Variants in CCDC91 observed in about 807,000 individuals in gnomAD.
The protein encoded by CCDC91 is coiled-coil domain containing 91, also known as coiled-coil domain-containing protein 91.
CCDC91 carries 48 observed loss-of-function variants against 63.2 expected under a neutral mutation model. That is an observed-to-expected ratio of 0.76 (90% CI 0.60 to 0.97). The LOEUF is 0.97. Ranked by LOEUF, CCDC91 falls within the 50% of genes least tolerant of loss-of-function variation. The pLI, the probability that CCDC91 is intolerant of heterozygous loss-of-function variation, is 0.00. For synonymous variants in CCDC91, 167 were observed against 165.8 expected (o/e 1.01, Z -0.06); for missense variants, 500 against 494.6 (o/e 1.01, Z -0.10).
intron 1 of CCDC91, among the ~76,000 whole-genome samples, chr12:28,246,277 C>T (rs1945727178): frequency 6.6e-6 from 1 of 151,948 alleles, no homozygotes; most frequent in Non-Finnish European, 1.5e-5. Context: ...ATTGTGAGTC[C>T]AGATAAGCAC....
At chr12:28,292,107 T>C (rs183931756) in intron 3 of CCDC91, among the ~76,000 whole-genome samples, 2 of 152,338 alleles carry the variant, frequency 1.3e-5, no homozygotes, top group African/African-American at 4.8e-5. Flanking sequence ...TTGTCTAACA[T>C]CATTTCCATG....
At position 28,471,911 on chromosome 12, in the gene CCDC91, C is replaced by T. The variant is rs140494132; in HGVS notation, c.1102-12141C>T. On this transcript the variant is annotated intron_variant, in intron 11 of 12. Coordinates refer to ENST00000536442, the MANE Select transcript of CCDC91 (RefSeq NM_018318.5). ...GATTACAGGCGTCTGCCATCATGCC[C>T]GGCTAATTTTTGAATTTTTAGTAGA... 3.6e-3 allele frequency among the ~76,000 whole-genome samples: 549 copies of T among 152,150 alleles called. 4 individuals carry two copies. The highest frequency in any genetic ancestry group is 0.012 in the African/African-American group (499 of 41,542).
intron 8 of CCDC91, among the ~76,000 whole-genome samples, chr12:28,439,733 CTTTTTT>C (rs71438747): frequency 1.2e-4 from 16 of 133,040 alleles, no homozygotes; most frequent in Admixed American, 4.5e-4. Context: ...TTTCTTTTTT[CTTTTTT>C]TTTTTTTTTA....
At chr12:28,532,377 A>G (rs1363851804) in intron 12 of CCDC91, among the ~76,000 whole-genome samples, 1 of 152,118 alleles carries the variant, frequency 6.6e-6, no homozygotes, top group Non-Finnish European at 1.5e-5. Flanking sequence ...GGACTCAAAA[A>G]AATTGTAATT....
intron 1 of CCDC91, among the ~76,000 whole-genome samples, chr12:28,195,162 G>C (rs1241150232): frequency 6.6e-6 from 1 of 151,116 alleles, no homozygotes; most frequent in East Asian, 1.9e-4. Context: ...CCGTTTTACA[G>C]AGTGCTGATT....
At chr12:28,539,786 G>T (rs1475604935) in intron 12 of CCDC91, among the ~76,000 whole-genome samples, 14 of 152,054 alleles carry the variant, frequency 9.2e-5, no homozygotes, top group Admixed American at 5.9e-4. Flanking sequence ...TTTCCTGCTT[G>T]GTTCCCTCAG....
intron 1 of CCDC91, chr12:28,256,910 A>AT (rs1946495192): frequency 3.3e-6 from 1 of 299,382 alleles, no homozygotes; most frequent in African/African-American, 2.2e-5. Flanking sequence ...GCATTATTGA[A>AT]TTGAGCTCTA....
intron 12 of CCDC91, among the ~76,000 whole-genome samples, chr12:28,510,122 GT>G: frequency 6.6e-6 from 1 of 151,748 alleles, no homozygotes; most frequent in East Asian, 2.0e-4. Context: ...AAATAAAAGA[GT>G]TTCCCTGAAA....
chr12:28,316,521 T>C (rs1448607985), intron 6 of CCDC91, among the ~76,000 whole-genome samples: 5 of 149,610 alleles, frequency 3.3e-5, no homozygotes, highest in Non-Finnish European at 6.0e-5. Flanking sequence ...TTTATTTTAT[T>C]TATTTATTTA....
Position 28,299,830 on chromosome 12 carries a change from T to G in CCDC91, c.110-5819T>G, listed in dbSNP as rs552741332. 1.8e-3 allele frequency among the ~76,000 whole-genome samples: 268 copies of G among 151,682 alleles called. 2 individuals are homozygous for G. The highest frequency in any genetic ancestry group is 6.2e-3 in the African/African-American group (258 of 41,532). ...ATCTTTTGCTCATTGTATGGATATT[T>G]TTTATTCCCTCAACCTTTTTTTCCC... is the stretch of plus-strand genomic sequence containing the variant. On this transcript the variant is annotated intron_variant, in intron 3 of 12. Coordinates refer to ENST00000536442, the MANE Select transcript of CCDC91 (RefSeq NM_018318.5).
At chr12:28,252,416 T>G (rs571718222) in intron 1 of CCDC91, among the ~76,000 whole-genome samples, 3 of 152,172 alleles carry the variant, frequency 2.0e-5, no homozygotes, top group Admixed American at 1.3e-4. Context: ...AGATATTACG[T>G]ATCCTAGGCT....
chr12:28,490,215 T>G (rs1454550864), intron 12 of CCDC91, among the ~76,000 whole-genome samples: 1 of 151,860 alleles, frequency 6.6e-6, no homozygotes. Context: ...TGTAGTTGTA[T>G]GTGCAAGAAG....
chr12:28,249,410 C>T (rs1945973266), intron 1 of CCDC91, among the ~76,000 whole-genome samples: 1 of 152,154 alleles, frequency 6.6e-6, no homozygotes, highest in East Asian at 1.9e-4. Flanking sequence ...AGAGTAGCAA[C>T]TTTATTGTTA....
intron 8 of CCDC91, among the ~76,000 whole-genome samples, chr12:28,426,414 ATTC>A (rs780604828): frequency 2.0e-5 from 3 of 152,092 alleles, no homozygotes; most frequent in African/African-American, 4.8e-5. Context: ...GTTCTGCTTC[ATTC>A]TTCTTTTCCT....
intron 1 of CCDC91, among the ~76,000 whole-genome samples, chr12:28,196,971 T>C (rs1941811947): frequency 1.3e-5 from 2 of 152,198 alleles, no homozygotes; most frequent in Admixed American, 1.3e-4. Flanking sequence ...ATGCCCATCA[T>C]TTAATGATTT....
chr12:28,502,471 T>C lies in CCDC91; in HGVS notation c.1215+18306T>C, dbSNP rs1247403562. Among the ~76,000 whole-genome samples the C allele has an allele frequency of 5.9e-5, 9 of 151,626 alleles. No individual in the cohort carries two copies. The East Asian group carries it at 1.8e-3, about 30-fold the overall frequency. On this transcript the variant is annotated intron_variant, in intron 12 of 12. Transcript: ENST00000536442. ...TGGAACAACATTCCATGCTCATGGG[T>C]AGGAAGAATCAATATCGTGAAAATG...
At chr12:28,451,092 A>T (rs1949783153) in intron 10 of CCDC91, among the ~76,000 whole-genome samples, 1 of 151,890 alleles carries the variant, frequency 6.6e-6, no homozygotes, top group South Asian at 2.1e-4. Flanking sequence ...TTTTGAATTG[A>T]GCCTGAAAGG....
At chr12:28,399,795 C>T (rs1183930080) in intron 8 of CCDC91, among the ~76,000 whole-genome samples, 1 of 152,220 alleles carries the variant, frequency 6.6e-6, no homozygotes, top group Admixed American at 6.5e-5. Flanking sequence ...TCTTTGACTC[C>T]ATGTCTCACA....
intron 1 of CCDC91, among the ~76,000 whole-genome samples, chr12:28,237,833 C>T (rs184302835): frequency 2.6e-5 from 4 of 152,234 alleles, no homozygotes; most frequent in East Asian, 3.9e-4. Context: ...AAGGGATCCC[C>T]GTCTTAATTG....
Sources: allele counts gnomAD v4.1 joint callset (sites outside exome capture counted in the v4.1 genomes callset), GRCh38; gene constraint gnomAD v4.1.1; transcripts MANE v1.5; gene names NCBI Gene and HGNC (gene_info 2026-07-23, HGNC 2026-07-21).